The following NR6A1 variants were observed in gnomAD, a reference collection of about 807,000 sequenced individuals.
The protein encoded by NR6A1 is nuclear receptor subfamily 6 group A member 1, also known as retinoic acid receptor-related testis-associated receptor.
In NR6A1, 7 loss-of-function variants were observed where a neutral mutation model predicts 59.1. The observed-to-expected ratio is 0.12, with a 90% CI of 0.07 to 0.22. The LOEUF (loss-of-function observed/expected upper bound fraction) is 0.22. Ranked by LOEUF, NR6A1 falls within the 10% of genes least tolerant of loss-of-function variation. NR6A1 has a pLI of 1.00. For missense variants in NR6A1, 468 were observed against 611.6 expected (o/e 0.77, Z 2.48); for synonymous variants, 243 against 236.1 (o/e 1.03, Z -0.27).
intron 1 of NR6A1, among the ~76,000 whole-genome samples, chr9:124,747,709 A>AG (rs1840375370): frequency 6.6e-6 from 1 of 152,136 alleles, no homozygotes; most frequent in South Asian, 2.1e-4. Context: ...CCCAAGCCAG[A>AG]GATCCCCAAA....
chr9:124,543,278 C>T (rs1183034476), intron 4 of NR6A1, among the ~76,000 whole-genome samples: 2 of 152,168 alleles, frequency 1.3e-5, no homozygotes, highest in Non-Finnish European at 2.9e-5. Context: ...TCCTCTGTTA[C>T]CTCTCACCTT....
chr9:124,698,640 T>C (rs549359713), intron 2 of NR6A1: 1 of 152,334 alleles, frequency 6.6e-6, no homozygotes, highest in Admixed American at 6.5e-5. Flanking sequence ...AATGAATTTT[T>C]AACTTTTTTT....
intron 2 of NR6A1, among the ~76,000 whole-genome samples, chr9:124,641,610 T>C (rs1244443821): frequency 1.3e-5 from 2 of 152,100 alleles, no homozygotes; most frequent in African/African-American, 4.8e-5. Context: ...GGCAGGAGGA[T>C]TGCTTCAGCC....
intron 2 of NR6A1, among the ~76,000 whole-genome samples, chr9:124,722,452 T>A (rs1371692252): frequency 6.6e-6 from 1 of 152,210 alleles, no homozygotes; most frequent in African/African-American, 2.4e-5. Flanking sequence ...TTAGAACATG[T>A]GACAGAATAC....
intron 2 of NR6A1, among the ~76,000 whole-genome samples, chr9:124,706,235 ATATGT>A (rs1354832626): frequency 6.6e-6 from 1 of 152,184 alleles, no homozygotes; most frequent in Non-Finnish European, 1.5e-5. Flanking sequence ...TTATTGCCAT[ATATGT>A]TATAACTTAG....
chr9:124,538,369 T>C (rs368541531), intron 5 of NR6A1, 50 bp from the exon 6 acceptor site: 5 of 1,447,916 alleles, frequency 3.5e-6, no homozygotes, highest in African/African-American at 1.4e-5. Flanking sequence ...GTCTAGTAAT[T>C]ACTCAAAGGA....
At chr9:124,768,020 A>C (rs1386508570) in intron 1 of NR6A1, among the ~76,000 whole-genome samples, 2 of 152,244 alleles carry the variant, frequency 1.3e-5, no homozygotes, top group Non-Finnish European at 2.9e-5. Flanking sequence ...ACCTACAAGC[A>C]ACAACTGAAA....
intron 2 of NR6A1, among the ~76,000 whole-genome samples, chr9:124,643,153 A>ATG (rs1836817198): frequency 6.6e-6 from 1 of 151,898 alleles, no homozygotes; most frequent in Non-Finnish European, 1.5e-5. Flanking sequence ...ATGAATATAT[A>ATG]TTACCTTTAA....
chr9:124,720,971 T>C (rs927208533), intron 2 of NR6A1, among the ~76,000 whole-genome samples: 5 of 151,932 alleles, frequency 3.3e-5, no homozygotes, highest in African/African-American at 9.7e-5. Flanking sequence ...CCCTTTCAGC[T>C]TTTTTTTAAT....
chr9:124,550,778 C>T (rs999903371), intron 3 of NR6A1, among the ~76,000 whole-genome samples: 6 of 152,222 alleles, frequency 3.9e-5, no homozygotes, highest in Admixed American at 3.9e-4. Flanking sequence ...TCAAGTGATC[C>T]TCTTGCCTTG....
intron 2 of NR6A1, among the ~76,000 whole-genome samples, chr9:124,680,142 C>T (rs1053668045): frequency 1.3e-5 from 2 of 150,334 alleles, no homozygotes; most frequent in Non-Finnish European, 3.0e-5. Context: ...ATATGTAAAT[C>T]GTGATGTGTG....
chr9:124,576,797 G>T (rs7037310), intron 2 of NR6A1, among the ~76,000 whole-genome samples: 19,724 of 151,970 alleles, frequency 0.13, 3,601 homozygotes, highest in African/African-American at 0.4. Context: ...TCATGCCTGT[G>T]AATCCTAGTT....
chr9:124,748,023 G>C (rs1447403407), intron 1 of NR6A1, among the ~76,000 whole-genome samples: 1 of 152,064 alleles, frequency 6.6e-6, no homozygotes, highest in East Asian at 1.9e-4. Flanking sequence ...TTATTTCCTC[G>C]AAACACCCCA....
At chr9:124,752,008 C>T (rs1047808946) in intron 1 of NR6A1, among the ~76,000 whole-genome samples, 4 of 152,218 alleles carry the variant, frequency 2.6e-5, no homozygotes, top group African/African-American at 9.6e-5. Flanking sequence ...GGATGGCTCA[C>T]GCCTATAATC....
intron 3 of NR6A1, among the ~76,000 whole-genome samples, chr9:124,550,356 T>C (rs1443899362): frequency 6.6e-6 from 1 of 151,814 alleles, no homozygotes; most frequent in Non-Finnish European, 1.5e-5. Context: ...CAATTATTAC[T>C]GTGATGTTCT....
intron 2 of NR6A1, among the ~76,000 whole-genome samples, chr9:124,653,832 TCTTCA>T (rs1350336921): frequency 6.6e-6 from 1 of 152,264 alleles, no homozygotes; most frequent in Non-Finnish European, 1.5e-5. Context: ...AGAAAGTTCC[TCTTCA>T]CTTATCAATT....
chr9:124,577,611 T>C lies in NR6A1; in HGVS notation c.143-23041A>G, dbSNP rs148607928. On this transcript the variant is annotated intron_variant, in intron 2 of 9. Transcript: ENST00000487099. ...CCAGAAAAGGAAAGTAATTTGTACATGTTTGTATAAGTAACCTCTATACTA... is the reference window on the plus strand; with the variant it reads ...CCAGAAAAGGAAAGTAATTTGTACACGTTTGTATAAGTAACCTCTATACTA... Among the ~76,000 whole-genome samples, 202 of 152,352 alleles carry C rather than the reference T, an allele frequency of 1.3e-3. 2 individuals carry two copies. The highest frequency in any genetic ancestry group is 4.4e-3 in the African/African-American group (181 of 41,580).
intron 2 of NR6A1, among the ~76,000 whole-genome samples, chr9:124,585,431 C>G (rs561429115): frequency 2.2e-4 from 33 of 151,632 alleles, no homozygotes; most frequent in Non-Finnish European, 1.2e-4. Flanking sequence ...GTAGTCCCAG[C>G]TACTCGGGAG....
chr9:124,656,779 C>T (rs973258040), intron 2 of NR6A1, among the ~76,000 whole-genome samples: 1 of 152,122 alleles, frequency 6.6e-6, no homozygotes, highest in Non-Finnish European at 1.5e-5. Context: ...TTGCAGTGAG[C>T]CAAGACAGTG....
Sources: allele counts gnomAD v4.1 joint callset (sites outside exome capture counted in the v4.1 genomes callset), GRCh38; gene constraint gnomAD v4.1.1; transcripts MANE v1.5; gene names NCBI Gene and HGNC (gene_info 2026-07-23, HGNC 2026-07-21).